Variants in RAB44 observed in about 807,000 individuals in gnomAD.
RAB44 encodes the protein ras-related protein Rab-44.
Under a neutral mutation model 93.3 loss-of-function variants are expected in RAB44, and 67 were observed. The observed-to-expected ratio is 0.72, with a 90% CI of 0.59 to 0.88. The LOEUF is 0.88. Ranked by LOEUF, RAB44 falls within the 40% of genes least tolerant of loss-of-function variation. RAB44 has a pLI of 0.00. For missense variants in RAB44, 1,064 were observed against 1,261.7 expected (o/e 0.84, Z 2.37); for synonymous variants, 427 against 520.3 (o/e 0.82, Z 2.44).
In RAB44 at chr6:36,722,606, G is replaced by C. The variant is rs1211634455; in HGVS notation, c.2472G>C (p.Gly824=). ...CCCCGGGAGACCCCATGGCTGGAGG[G>C]GGACCCCAGGCCAACCCTGATTACC... ...TPSPGDPMAG[G]GPQANPDYLF... is the part of the protein sequence containing the mutation. The change falls in exon 9 of 14, where the codon GGG becomes GGC. Residue 824 remains glycine (G), a synonymous_variant. Coordinates refer to ENST00000612677, the MANE Select transcript of RAB44 (RefSeq NM_001257357.2). 11 of 1,550,612 alleles carry C rather than the reference G, an allele frequency of 7.1e-6. No homozygotes were observed. Among genetic ancestry groups the C allele is most frequent in the Middle Eastern group, 3.3e-4 (2 of 5,992 alleles).
chr6:36,722,916 T>C (rs1763133898), intron 9 of RAB44, among the ~76,000 whole-genome samples, 183 bp downstream of exon 9: 1 of 152,288 alleles, frequency 6.6e-6, no homozygotes, highest in African/African-American at 2.4e-5. Context: ...TCGTCTCTAA[T>C]TACAGGTAAT....
rs1362800764 is a variant in RAB44, at chr6:36,728,802, G to A, written c.2898+1G>A. 2.6e-5 allele frequency: 41 copies of A among 1,549,628 alleles called. No homozygotes were observed. Among genetic ancestry groups the A allele is most frequent in the Admixed American group, 2.6e-4 (13 of 50,980 alleles). ...GGAAGCTGGGCAGCAACTGGCCCAG[G>A]TAAGCACTTGGGCATCAGCCCGTCT... On this transcript the variant is annotated splice_donor_variant, in intron 12 of 13. Transcript: ENST00000612677. LOFTEE classifies it high-confidence loss of function.
At position 36,699,008 on chromosome 6, in the gene RAB44, C is replaced by T. The variant is rs143746499; in HGVS notation, c.-13+1093C>T. 1.2e-3 allele frequency among the ~76,000 whole-genome samples: 184 copies of T among 152,254 alleles called. 4 individuals are homozygous for T. The East Asian group carries it at 0.031, about 26-fold the overall frequency. ...AGGCCGTGGGGGTGCTGTCAGGGAT[C>T]TGAATGTGAAGGCACGAGGGGTGAG... is the stretch of plus-strand genomic sequence containing the variant. On this transcript the variant is annotated intron_variant, in intron 1 of 13. Coordinates refer to ENST00000612677, the MANE Select transcript of RAB44 (RefSeq NM_001257357.2).
intron 1 of RAB44, among the ~76,000 whole-genome samples, chr6:36,703,912 A>C (rs1433722035): frequency 6.6e-6 from 1 of 152,200 alleles, no homozygotes; most frequent in Non-Finnish European, 1.5e-5. Flanking sequence ...AATAGGATAT[A>C]TTCTCTAATG....
chr6:36,723,670 C>G (rs182024326), intron 9 of RAB44, among the ~76,000 whole-genome samples: 203 of 151,790 alleles, frequency 1.3e-3, no homozygotes, highest in African/African-American at 4.8e-3. Flanking sequence ...CCTGTCTTTA[C>G]TAAAAATACA....
At chr6:36,719,811 T>C (rs1763024642) in intron 7 of RAB44, among the ~76,000 whole-genome samples, 1 of 152,050 alleles carries the variant, frequency 6.6e-6, no homozygotes, top group Admixed American at 6.6e-5. Context: ...CTGTGGAAGT[T>C]CACAGAACAG....
At chr6:36,714,113 AG>A (rs1463978630) in intron 3 of RAB44, among the ~76,000 whole-genome samples, 174 bp downstream of exon 3, 2 of 152,148 alleles carry the variant, frequency 1.3e-5, no homozygotes, top group Non-Finnish European at 2.9e-5. Flanking sequence ...CTGCCCCTCC[AG>A]GGAGGCCTCC....
chr6:36,731,217 C>A lies in RAB44; in HGVS notation c.2975+468C>A, dbSNP rs1449666293. Reference sequence around the variant, plus strand: ...CTCACACTCACACACACACACTTGCCAAGTTCCAGCCACTCAGAGACTCCC... The same window carrying A: ...CTCACACTCACACACACACACTTGCAAAGTTCCAGCCACTCAGAGACTCCC... On this transcript the variant is annotated intron_variant, in intron 13 of 13. Transcript: ENST00000612677. The surrounding 1 kb of genome is among the most constrained non-coding windows in gnomAD (Gnocchi z 4.0). 6.6e-6 allele frequency among the ~76,000 whole-genome samples: 1 copy of A among 151,896 alleles called. No individual in the cohort carries two copies. Among genetic ancestry groups the A allele is most frequent in the African/African-American group, 2.4e-5 (1 of 41,330 alleles).
chr6:36,705,291 C>A (rs543874591), intron 2 of RAB44, among the ~76,000 whole-genome samples: 6 of 152,170 alleles, frequency 3.9e-5, no homozygotes, highest in Admixed American at 1.3e-4. Flanking sequence ...CTACTAGTAA[C>A]TTCAGTAATT....
chr6:36,728,865 G>A, intron 12 of RAB44, 64 bp downstream of exon 12: 6 of 1,329,628 alleles, frequency 4.5e-6, no homozygotes, highest in South Asian at 2.5e-5. Context: ...CTGGCAGGTG[G>A]TGGATAGGCA....
intron 2 of RAB44, among the ~76,000 whole-genome samples, chr6:36,705,110 CA>C (rs759512832): frequency 2.0e-3 from 168 of 85,442 alleles, no homozygotes; most frequent in Middle Eastern, 6.0e-3. Flanking sequence ...GACTCCATCT[CA>C]AAAAAAAAAA....
intron 8 of RAB44, 136 bp from the exon 9 acceptor site, chr6:36,721,015 G>C: frequency 1.3e-6 from 1 of 798,222 alleles, no homozygotes; most frequent in Non-Finnish European, 1.7e-6. Flanking sequence ...TACCAGGTGA[G>C]AAAGATTGCC....
At position 36,717,254 on chromosome 6, in the gene RAB44, G is replaced by C; in HGVS notation, c.495-19G>C. ...CTTGTGTCTGACCCTCCCATCTCTG[G>C]CTGTCTTCCCCTCCCCAGGCAGATG... On this transcript the variant is annotated intron_variant, in intron 4 of 13. Transcript: ENST00000612677. The surrounding 1 kb of genome is among the most constrained non-coding windows in gnomAD (Gnocchi z 4.1). 8.1e-7 allele frequency: 1 copy of C among 1,232,172 alleles called. No homozygotes were observed. The highest frequency in any genetic ancestry group is 1.0e-6 in the Non-Finnish European group (1 of 987,982). 76.3% of individuals were successfully genotyped at this position (1,232,172 alleles called of 1,614,324 possible).
intron 9 of RAB44, among the ~76,000 whole-genome samples, chr6:36,724,058 TC>T (rs1449188510): frequency 1.3e-5 from 2 of 151,874 alleles, no homozygotes; most frequent in Admixed American, 1.3e-4. Context: ...GAAATGCAGT[TC>T]CCTCGGGAAG....
intron 2 of RAB44, among the ~76,000 whole-genome samples, chr6:36,710,569 A>G (rs1762759461): frequency 6.8e-6 from 1 of 147,208 alleles, no homozygotes; most frequent in Admixed American, 6.7e-5. Flanking sequence ...TTTAATTGAG[A>G]TGGAGTCTCA....
rs1303670505 is a variant in RAB44, at chr6:36,718,137, C to G, written c.732+19C>G. ...GGCTGAGGTGGGCTCCCGCCGGCAG[C>G]CTGCCTCCTTCCCACTGCCCGGGAC... On this transcript the variant is annotated intron_variant, in intron 6 of 13. Coordinates refer to ENST00000612677, the MANE Select transcript of RAB44 (RefSeq NM_001257357.2). 5 of 1,229,534 alleles carry G rather than the reference C, an allele frequency of 4.1e-6. No individual in the cohort carries two copies. The highest frequency in any genetic ancestry group is 5.1e-6 in the Non-Finnish European group (5 of 985,642). 76.2% of individuals were successfully genotyped at this position (1,229,534 alleles called of 1,614,324 possible).
rs149158856 is a variant in RAB44, at chr6:36,713,996, G to A, written c.319+57G>A. On this transcript the variant is annotated intron_variant, in intron 3 of 13. Transcript: ENST00000612677. ...CCAGGTGTTCCGTGCAGTGTGCCCT[G>A]CATGGGGCTAGGCTGGGTCGTTAGA... is the stretch of plus-strand genomic sequence containing the variant. 66 of 1,125,174 alleles carry A rather than the reference G, an allele frequency of 5.9e-5. No individual in the cohort carries two copies. The African/African-American group carries it at 9.4e-4, about 16-fold the overall frequency. 69.7% of individuals were successfully genotyped at this position (1,125,174 alleles called of 1,614,324 possible). A position where few individuals can be genotyped will look rare whatever the true frequency, so the allele number is the denominator to read the frequency against.
intron 2 of RAB44, among the ~76,000 whole-genome samples, chr6:36,713,384 C>T (rs1297551316): frequency 3.3e-5 from 5 of 151,958 alleles, no homozygotes; most frequent in Admixed American, 6.6e-5. Context: ...TTAGTAGAGA[C>T]GGGGTTTCAC....
At chr6:36,700,714 A>T (rs895770545) in intron 1 of RAB44, among the ~76,000 whole-genome samples, 3 of 152,194 alleles carry the variant, frequency 2.0e-5, no homozygotes, top group Non-Finnish European at 4.4e-5. Flanking sequence ...CTGGGATTAC[A>T]GGCCACCACG....
Sources: allele counts gnomAD v4.1 joint callset (sites outside exome capture counted in the v4.1 genomes callset), GRCh38; gene constraint gnomAD v4.1.1; non-coding constraint Gnocchi (gnomAD v3.1); transcripts MANE v1.5; gene names NCBI Gene and HGNC (gene_info 2026-07-23, HGNC 2026-07-21).